Variants in DOCK10 observed in about 807,000 individuals in gnomAD.
DOCK10 encodes the protein dedicator of cytokinesis protein 10.
Under a neutral mutation model 280.1 loss-of-function variants are expected in DOCK10, and 145 were observed. The observed-to-expected ratio is 0.52, with a 90% CI of 0.45 to 0.59. The LOEUF (loss-of-function observed/expected upper bound fraction) is 0.59, where lower values mean the gene tolerates loss of function less well. DOCK10 is among the 20% of genes least tolerant of loss of function. The pLI is 0.00. For missense variants in DOCK10, 2,368 were observed against 2,651.7 expected, an observed-to-expected ratio of 0.89 and a Z score of 2.35; for synonymous variants, 915 against 942.2, an observed-to-expected ratio of 0.97 and a Z score of 0.53.
In DOCK10 at chr2:224,786,901, A is replaced by G; in HGVS notation, c.5655+121T>C. Reference sequence around the variant, plus strand: ...ATCACATCCAGAGAAACACTCAAGTATAGTCAGACACACCCACACCTCTCC... The same window carrying G: ...ATCACATCCAGAGAAACACTCAAGTGTAGTCAGACACACCCACACCTCTCC... On this transcript the variant is annotated intron_variant, in intron 50 of 55. Transcript: ENST00000258390. This position sits in a 1 kb window ranked among gnomAD's most constrained non-coding sequence, Gnocchi z 4.7. The G allele has an allele frequency of 1.4e-6, 1 of 737,772 alleles. No homozygotes were observed. Among genetic ancestry groups the G allele is most frequent in the Non-Finnish European group, 2.4e-6 (1 of 417,480 alleles). The allele number at this position is 737,772 out of a possible 1,614,324, so 45.7% of individuals were successfully genotyped here.
chr2:224,810,934 G>T (rs1173443164), intron 31 of DOCK10, among the ~76,000 whole-genome samples: 1 of 151,826 alleles, frequency 6.6e-6, no homozygotes, highest in Non-Finnish European at 1.5e-5. Context: ...GAATAGTGCC[G>T]CAATAAACAT....
intron 1 of DOCK10, among the ~76,000 whole-genome samples, chr2:225,022,501 T>C (rs1689808149): frequency 6.6e-6 from 1 of 152,190 alleles, no homozygotes; most frequent in South Asian, 2.1e-4. Flanking sequence ...CAAATCTTCC[T>C]TCTCCATCAC....
chr2:224,961,469 T>TC (rs35094728), intron 1 of DOCK10, among the ~76,000 whole-genome samples: 26 of 33,926 alleles, frequency 7.7e-4, no homozygotes, highest in Admixed American at 1.0e-3. Flanking sequence ...TTTCTTTCTT[T>TC]TTCTTTCTTT....
At chr2:224,855,606 A>T (rs1426015059) in intron 15 of DOCK10, among the ~76,000 whole-genome samples, 1 of 152,076 alleles carries the variant, frequency 6.6e-6, no homozygotes, top group Non-Finnish European at 1.5e-5. Flanking sequence ...TCCCACTCAC[A>T]TGCACTCCCC....
chr2:224,936,128 C>T (rs1174388385), intron 1 of DOCK10, among the ~76,000 whole-genome samples: 1 of 152,110 alleles, frequency 6.6e-6, no homozygotes, highest in African/African-American at 2.4e-5. Context: ...TTGGGAAGGA[C>T]ATTGAAACTA....
chr2:224,849,829 A>G (rs1696612319), intron 18 of DOCK10, among the ~76,000 whole-genome samples: 1 of 152,220 alleles, frequency 6.6e-6, no homozygotes, highest in African/African-American at 2.4e-5. Flanking sequence ...TTCATCATAT[A>G]GTTAATACGC....
chr2:224,944,980 C>T (rs1703313415), intron 1 of DOCK10, among the ~76,000 whole-genome samples: 1 of 152,180 alleles, frequency 6.6e-6, no homozygotes, highest in South Asian at 2.1e-4. Flanking sequence ...AGTAGCAATA[C>T]ATTCAAATTC....
At chr2:224,934,160 C>A (rs147060747) in intron 1 of DOCK10, among the ~76,000 whole-genome samples, 7 of 151,974 alleles carry the variant, frequency 4.6e-5, no homozygotes, top group Admixed American at 4.6e-4. Flanking sequence ...AACCTTGGTT[C>A]GATATACCCA....
chr2:224,876,054 G>T lies in DOCK10; in HGVS notation c.915C>A (p.Leu305=). Residue 305 remains leucine (L), a synonymous_variant, in exon 8 of 56, where the codon CTC becomes CTA. Transcript: ENST00000258390. ...TGCTCTCACCCAGACCCAGATCAGTGAGCTCTGTGCTCCTCCTCCCTTGGA... is the reference window on the plus strand; with the variant it reads ...TGCTCTCACCCAGACCCAGATCAGTTAGCTCTGTGCTCCTCCTCCCTTGGA... ...GPLQGRRSTE[L]TDLGLDSLDN... is the part of the protein sequence containing the mutation. 6.2e-7 allele frequency: 1 copy of T among 1,613,188 alleles called. No homozygotes were observed. The highest frequency in any genetic ancestry group is 1.1e-5 in the South Asian group (1 of 90,926).
chr2:224,897,737 A>T (rs72972669), intron 3 of DOCK10, among the ~76,000 whole-genome samples: 52 of 152,368 alleles, frequency 3.4e-4, no homozygotes, highest in Non-Finnish European at 6.3e-4. Flanking sequence ...ATAACTGATA[A>T]GCAAAAATGA....
rs1323406393 is a variant in DOCK10 at position 224,874,530 on chromosome 2, C to T, written c.1017+136G>A. ...AGCCCTATGTGTATGTTAATGAAAA[C>T]ACATAGGTTAACGGGAAGTTCCAAA... is the stretch of plus-strand genomic sequence containing the variant. On this transcript the variant is annotated intron_variant, in intron 9 of 55. Transcript: ENST00000258390. 6.2e-6 allele frequency: 6 copies of T among 973,072 alleles called. No homozygotes were observed. In the East Asian group the frequency reaches 1.5e-4, roughly 24 times the overall value. 60.3% of individuals were successfully genotyped at this position (973,072 alleles called of 1,614,324 possible).
At chr2:224,820,953 C>T (rs1446447224) in intron 28 of DOCK10, among the ~76,000 whole-genome samples, 2 of 152,162 alleles carry the variant, frequency 1.3e-5, no homozygotes, top group African/African-American at 4.8e-5. Context: ...CCTTTGCTAC[C>T]ATCTTGGTAT....
chr2:224,921,697 G>A (rs1249163278), intron 2 of DOCK10, among the ~76,000 whole-genome samples: 1 of 152,162 alleles, frequency 6.6e-6, no homozygotes, highest in Non-Finnish European at 1.5e-5. Flanking sequence ...CTAATATCCT[G>A]TGCAGGTTAC....
intron 50 of DOCK10, among the ~76,000 whole-genome samples, chr2:224,785,357 C>T (rs1341733684): frequency 6.6e-6 from 1 of 151,986 alleles, no homozygotes; most frequent in South Asian, 2.1e-4. Context: ...TTCTCTGTCT[C>T]CACTATCCTG....
chr2:225,009,410 A>C (rs1240898886), intron 1 of DOCK10, among the ~76,000 whole-genome samples: 1 of 152,206 alleles, frequency 6.6e-6, no homozygotes, highest in African/African-American at 2.4e-5. Flanking sequence ...TAAGACTTCA[A>C]AAAAGAAGAC....
At chr2:225,023,394 A>C (rs1046248460) in intron 1 of DOCK10, among the ~76,000 whole-genome samples, 1 of 152,152 alleles carries the variant, frequency 6.6e-6, no homozygotes, top group Non-Finnish European at 1.5e-5. Flanking sequence ...TATGAATGCA[A>C]ATCTCCCAAG....
At chr2:225,019,920 C>A (rs1466944842) in intron 1 of DOCK10, among the ~76,000 whole-genome samples, 2 of 152,310 alleles carry the variant, frequency 1.3e-5, no homozygotes, top group African/African-American at 4.8e-5. Context: ...CAAAGCTGAA[C>A]CAACAAGCTG....
rs1440709365 is a variant in DOCK10 at position 225,042,218 on chromosome 2, G to A, written c.123+34C>T. ...TCCGTTCCCCCCGGGCGCCTGGGGC[G>A]CGCGGGAAGGCGCGGAGGACGCGCC... On this transcript the variant is annotated intron_variant, in intron 1 of 55. Transcript: ENST00000258390. This position sits in a 1 kb window ranked among gnomAD's most constrained non-coding sequence, Gnocchi z 5.1. 8.1e-7 allele frequency: 1 copy of A among 1,236,492 alleles called. No homozygotes were observed. 76.6% of individuals were successfully genotyped at this position (1,236,492 alleles called of 1,614,324 possible).
At chr2:224,981,011 A>G (rs1705719723) in intron 1 of DOCK10, among the ~76,000 whole-genome samples, 1 of 152,248 alleles carries the variant, frequency 6.6e-6, no homozygotes. Context: ...AATAAGACTT[A>G]CTGGTATAGC....
Sources: gnomAD v4.1 joint callset for allele counts (sites outside exome capture counted in the v4.1 genomes callset) on GRCh38, gnomAD v4.1.1 for gene constraint, Gnocchi (gnomAD v3.1) non-coding constraint, MANE v1.5 for transcripts, NCBI Gene and HGNC (gene_info 2026-07-23, HGNC 2026-07-21) for gene names.